Variants in MYH9 observed in about 807,000 individuals in gnomAD.
MYH9 encodes myosin-9.
A neutral mutation model predicts 241.9 loss-of-function variants in MYH9; 29 were observed. The ratio of observed to expected loss-of-function variants is 0.12; its 90% CI spans 0.09 to 0.16. The LOEUF is 0.16. MYH9 is among the 10% of genes least tolerant of loss of function. MYH9 has a pLI of 1.00. For missense variants in MYH9, 1,803 were observed against 2,595.5 expected (o/e 0.69, Z 6.63); for synonymous variants, 1,047 against 1,062.6 (o/e 0.99, Z 0.29).
At chr22:36,375,432 T>A (rs2146420908) in intron 1 of MYH9, among the ~76,000 whole-genome samples, 1 of 152,326 alleles carries the variant, frequency 6.6e-6, no homozygotes, top group Middle Eastern at 3.4e-3. Context: ...CGCTGTGGGT[T>A]GCCAACTGCT....
chr22:36,298,435 A>G (rs2016822175), intron 24 of MYH9, among the ~76,000 whole-genome samples: 2 of 152,342 alleles, frequency 1.3e-5, no homozygotes, highest in South Asian at 4.1e-4. Flanking sequence ...ACTTTACGGT[A>G]CATATGTGTT....
Position 36,285,511 on chromosome 22 carries a change from T to C in MYH9, c.5274+147A>G. 1 of 1,391,166 alleles carries C rather than the reference T, an allele frequency of 7.2e-7. No individual in the cohort carries two copies. Among genetic ancestry groups the C allele is most frequent in the Non-Finnish European group, 9.9e-7 (1 of 1,010,732 alleles). 86.2% of individuals were successfully genotyped at this position (1,391,166 alleles called of 1,614,324 possible). On this transcript the variant is annotated intron_variant, in intron 37 of 40. Transcript: ENST00000216181. The surrounding 1 kb of genome is among the most constrained non-coding windows in gnomAD (Gnocchi z 7.0). ...CCAACACAGAAGCCAGAGGGGGACC[T>C]TTCAGGTCCAGGTGCCTGGACATTT...
chr22:36,369,028 C>T (rs1208771743), intron 1 of MYH9, among the ~76,000 whole-genome samples: 1 of 152,072 alleles, frequency 6.6e-6, no homozygotes, highest in African/African-American at 2.4e-5. Context: ...GCTGGTCCTC[C>T]AAGGTGTATG....
rs368536447 is a variant in MYH9, at chr22:36,281,914, C to A, written c.*754G>T. ...GTTGGGAGAAGCCACTGGAAGGCTG[C>A]TGGCCTTTCCAGCTTGACCCCGACA... On this transcript the variant is annotated 3_prime_UTR_variant, in exon 41 of 41. Transcript: ENST00000216181. 5 of 231,826 alleles carry A rather than the reference C, an allele frequency of 2.2e-5. No homozygotes were observed. Among genetic ancestry groups the A allele is most frequent in the African/African-American group, 8.8e-5 (4 of 45,350 alleles). 14.4% of individuals were successfully genotyped at this position (231,826 alleles called of 1,614,324 possible). A position where few individuals can be genotyped will look rare whatever the true frequency, so the allele number is the denominator to read the frequency against.
Position 36,304,165 on chromosome 22 carries a change from A to G in MYH9, c.2230-10T>C. 1 of 1,613,164 alleles carries G rather than the reference A, an allele frequency of 6.2e-7. No individual in the cohort carries two copies. Among genetic ancestry groups the G allele is most frequent in the Non-Finnish European group, 8.5e-7 (1 of 1,179,972 alleles). ...GCTCCAGGGCTTTTATCTAGGTGGG[A>G]GGAGCAGGCCGTTTACCTGGCCAGC... On this transcript the variant is annotated splice_polypyrimidine_tract_variant and intron_variant, in intron 18 of 40. Coordinates refer to ENST00000216181, the MANE Select transcript of MYH9 (RefSeq NM_002473.6).
intron 24 of MYH9, 81 bp from the exon 25 acceptor site, chr22:36,297,095 C>A: frequency 6.7e-7 from 1 of 1,496,708 alleles, no homozygotes; most frequent in South Asian, 1.2e-5. Context: ...AAATACTGAG[C>A]ACTCGTTATG....
At chr22:36,340,727 A>G (rs538308915) in intron 3 of MYH9, among the ~76,000 whole-genome samples, 2 of 151,878 alleles carry the variant, frequency 1.3e-5, no homozygotes, top group Non-Finnish European at 2.9e-5. Flanking sequence ...GAGGTGAGGT[A>G]GGAACTCCTG....
At chr22:36,385,754 C>T (rs1258928943) in intron 1 of MYH9, among the ~76,000 whole-genome samples, 1 of 152,156 alleles carries the variant, frequency 6.6e-6, no homozygotes, top group African/African-American at 2.4e-5. Flanking sequence ...AGTGTGGAGA[C>T]TGAAGTTCTT....
intron 15 of MYH9, among the ~76,000 whole-genome samples, chr22:36,307,320 C>T (rs1454726810): frequency 6.6e-6 from 1 of 152,224 alleles, no homozygotes; most frequent in African/African-American, 2.4e-5. Context: ...CTGGAACTCA[C>T]ACCCAGCAGC....
At chr22:36,331,364 C>G (rs181661643) in intron 3 of MYH9, among the ~76,000 whole-genome samples, 7 of 152,316 alleles carry the variant, frequency 4.6e-5, no homozygotes, top group African/African-American at 1.4e-4. Flanking sequence ...AATTCAGGAA[C>G]CAGGCCATTT....
intron 14 of MYH9, among the ~76,000 whole-genome samples, chr22:36,309,992 G>C (rs1021302545): frequency 6.6e-6 from 1 of 152,162 alleles, no homozygotes; most frequent in South Asian, 2.1e-4. Flanking sequence ...GCTCATGCCT[G>C]TAATCCCAGC....
intron 5 of MYH9, 28 bp downstream of exon 5, chr22:36,326,539 GC>G (rs1569536137): frequency 6.2e-7 from 1 of 1,601,430 alleles, no homozygotes; most frequent in South Asian, 1.1e-5. Flanking sequence ...CAAGCAGGCG[GC>G]CACAGGGACA....
chr22:36,322,332 G>A (rs970277102), intron 6 of MYH9, 97 bp downstream of exon 6: 5 of 1,328,470 alleles, frequency 3.8e-6, no homozygotes, highest in Admixed American at 1.7e-5. Flanking sequence ...AACCGTCCTC[G>A]GTTTTGAGGG....
At position 36,288,469 on chromosome 22, in the gene MYH9, C is replaced by T; in HGVS notation, c.4771-56G>A. ...GCTGGACCCACTGGGAGACCCTGCC[C>T]TAGCTCTGAACTCAGGAGCCTCAGG... is the stretch of plus-strand genomic sequence containing the variant. On this transcript the variant is annotated intron_variant, in intron 33 of 40. Coordinates refer to ENST00000216181, the MANE Select transcript of MYH9 (RefSeq NM_002473.6). This position sits in a 1 kb window ranked among gnomAD's most constrained non-coding sequence, Gnocchi z 4.8. 6.3e-7 allele frequency: 1 copy of T among 1,599,304 alleles called. No homozygotes were observed. The highest frequency in any genetic ancestry group is 8.5e-7 in the Non-Finnish European group (1 of 1,178,050).
intron 34 of MYH9, among the ~76,000 whole-genome samples, chr22:36,287,634 G>C (rs1315742596): frequency 1.3e-5 from 2 of 152,160 alleles, no homozygotes; most frequent in South Asian, 4.1e-4. Flanking sequence ...CCCAGCTGCT[G>C]GGGAGGCTGA....
In MYH9 at chr22:36,356,425, A is replaced by G. The variant is rs571436162; in HGVS notation, c.-19-7170T>C. On this transcript the variant is annotated intron_variant, in intron 1 of 40. Transcript: ENST00000216181. The stretch of plus-strand genomic sequence containing the variant: ...GTGAAACCCTGTCTCTACTAAAAAT[A>G]CAAAACTTAGCCAGGCGTGGTGGCG... Among the ~76,000 whole-genome samples the G allele has an allele frequency of 9.3e-5, 14 of 151,336 alleles. No homozygotes were observed. In the East Asian group the frequency reaches 1.7e-3, roughly 19 times the overall value.
chr22:36,387,034 G>A (rs979425947), intron 1 of MYH9, among the ~76,000 whole-genome samples: 2 of 152,210 alleles, frequency 1.3e-5, no homozygotes, highest in African/African-American at 4.8e-5. Context: ...GACGGCTGCT[G>A]CATTCCGGGC....
chr22:36,363,329 G>A (rs947063064), intron 1 of MYH9, among the ~76,000 whole-genome samples: 1 of 152,210 alleles, frequency 6.6e-6, no homozygotes, highest in Non-Finnish European at 1.5e-5. Flanking sequence ...CTCTTGCCCA[G>A]GGTGCTGCAG....
Position 36,345,950 on chromosome 22 carries a change from C to T in MYH9, c.333+2954G>A, listed in dbSNP as rs137970989. ...GATCATGAGGTCAGGAGTTCCAGACCAGCCTGGCCAATATGGGGAAACCCC... is the reference window on the plus strand; with the variant it reads ...GATCATGAGGTCAGGAGTTCCAGACTAGCCTGGCCAATATGGGGAAACCCC... On this transcript the variant is annotated intron_variant, in intron 2 of 40. Transcript: ENST00000216181. Among the ~76,000 whole-genome samples the T allele has an allele frequency of 6.6e-4, 101 of 152,270 alleles. 1 individual carries two copies. The East Asian group carries it at 0.014, about 21-fold the overall frequency.
Sources: gnomAD v4.1 joint callset for allele counts (sites outside exome capture counted in the v4.1 genomes callset) on GRCh38, gnomAD v4.1.1 for gene constraint, Gnocchi (gnomAD v3.1) non-coding constraint, MANE v1.5 for transcripts, NCBI Gene and HGNC (gene_info 2026-07-23, HGNC 2026-07-21) for gene names.